PEPD: variants seen among roughly 807,000 people sequenced by gnomAD.
PEPD encodes the protein xaa-Pro dipeptidase.
Under a neutral mutation model 60.7 loss-of-function variants are expected in PEPD, and 53 were observed. That is an observed-to-expected ratio of 0.87 (90% CI 0.70 to 1.10). The LOEUF (loss-of-function observed/expected upper bound fraction) is 1.10, where lower values mean the gene tolerates loss of function less well. Among genes scored for constraint, PEPD ranks in the 50% least tolerant of loss-of-function variants. The pLI is 0.00. For missense variants in PEPD, 711 were observed against 711.9 expected (o/e 1.00, Z 0.01); for synonymous variants, 267 against 284.1 (o/e 0.94, Z 0.60).
At chr19:33,466,898 C>A (rs1285723219) in intron 7 of PEPD, among the ~76,000 whole-genome samples, 2 of 152,020 alleles carry the variant, frequency 1.3e-5, no homozygotes, top group African/African-American at 4.8e-5. Flanking sequence ...TGGCTCAAGC[C>A]TGTAATCCCA....
chr19:33,463,372 A>G (rs553076292), intron 8 of PEPD, among the ~76,000 whole-genome samples: 5 of 152,376 alleles, frequency 3.3e-5, no homozygotes, highest in African/African-American at 4.8e-5. Flanking sequence ...CACGAAAGCT[A>G]TGACGATCAC....
At chr19:33,464,143 C>A (rs1969978332) in intron 7 of PEPD, 81 bp from the exon 8 acceptor site, 2 of 949,620 alleles carry the variant, frequency 2.1e-6, no homozygotes, top group Non-Finnish European at 3.4e-6. Flanking sequence ...GAGCTCAGGG[C>A]CTACCACACC....
Position 33,409,597 on chromosome 19 carries a change from C to A in PEPD, c.818+2075G>T, listed in dbSNP as rs117411481. ...GGCTGAGGTGGGAGGATCTCTTAAG[C>A]CTAGGAGTTTGAGGCTGCAGTGAGC... is the stretch of plus-strand genomic sequence containing the variant. On this transcript the variant is annotated intron_variant, in intron 11 of 14. Transcript: ENST00000244137. Among the ~76,000 whole-genome samples the A allele has an allele frequency of 1.1e-3, 171 of 152,288 alleles. 2 individuals are homozygous for A. The East Asian group carries it at 0.032, about 28-fold the overall frequency.
intron 6 of PEPD, among the ~76,000 whole-genome samples, chr19:33,478,816 C>T (rs1970266590): frequency 6.6e-6 from 1 of 151,878 alleles, no homozygotes; most frequent in African/African-American, 2.4e-5. Context: ...GAAAGAAAAA[C>T]CAAAGGGAAT....
chr19:33,419,347 CCACT>C, intron 9 of PEPD, among the ~76,000 whole-genome samples: 1 of 152,216 alleles, frequency 6.6e-6, no homozygotes. Flanking sequence ...GCCCTGCTGC[CCACT>C]CAGTCTGAGG....
rs1970914417 is a variant in PEPD at position 33,510,942 on chromosome 19, C to G, written c.329+86G>C. The G allele has an allele frequency of 7.0e-6, 10 of 1,438,514 alleles. No homozygotes were observed. In the East Asian group the frequency reaches 2.4e-4, roughly 35 times the overall value. 89.1% of individuals were successfully genotyped at this position (1,438,514 alleles called of 1,614,324 possible). Reference sequence around the variant, plus strand: ...TCTTCCCTCCTCCCCGTCCCCAGGCCCAACCCAGCTCTCTCATCCCACCTC... The same window carrying G: ...TCTTCCCTCCTCCCCGTCCCCAGGCGCAACCCAGCTCTCTCATCCCACCTC... On this transcript the variant is annotated intron_variant, in intron 3 of 14. Transcript: ENST00000244137.
chr19:33,485,779 A>C (rs1166263604), intron 6 of PEPD, among the ~76,000 whole-genome samples: 4 of 152,222 alleles, frequency 2.6e-5, no homozygotes, highest in Admixed American at 6.5e-5. Flanking sequence ...GTAAATGCCG[A>C]AAGATAAGAA....
At chr19:33,410,453 T>C (rs1478093674) in intron 11 of PEPD, among the ~76,000 whole-genome samples, 1 of 152,186 alleles carries the variant, frequency 6.6e-6, no homozygotes, top group East Asian at 1.9e-4. Flanking sequence ...TCCATAGGTC[T>C]GGGCATGTGT....
chr19:33,488,524 C>A (rs1047710177), intron 6 of PEPD, among the ~76,000 whole-genome samples: 2 of 152,092 alleles, frequency 1.3e-5, no homozygotes, highest in Non-Finnish European at 2.9e-5. Context: ...TGCCCGTAGC[C>A]CCTCTGAGGG....
chr19:33,462,848 A>T, intron 9 of PEPD, 147 bp downstream of exon 9: 1 of 745,952 alleles, frequency 1.3e-6, no homozygotes, highest in South Asian at 1.4e-5. Context: ...GAAGAAAAAT[A>T]ATCTTTGCTT....
chr19:33,461,728 C>T lies in PEPD; in HGVS notation c.671+1267G>A, dbSNP rs183927547. ...CAACACACTTCCCATCCCAGATCCT[C>T]GGAGCGGGCAGGGGGTCCTGGGAAT... On this transcript the variant is annotated intron_variant, in intron 9 of 14. Transcript: ENST00000244137. Among the ~76,000 whole-genome samples the T allele has an allele frequency of 3.9e-5, 6 of 152,328 alleles. No individual in the cohort carries two copies. The East Asian group carries it at 9.7e-4, about 25-fold the overall frequency.
At chr19:33,406,394 C>T (rs972328810) in intron 11 of PEPD, among the ~76,000 whole-genome samples, 5 of 152,196 alleles carry the variant, frequency 3.3e-5, no homozygotes, top group South Asian at 2.1e-4. Context: ...ATGGAGAGCA[C>T]GCTCCTAACT....
At chr19:33,458,652 T>C (rs1425285012) in intron 9 of PEPD, among the ~76,000 whole-genome samples, 2 of 144,250 alleles carry the variant, frequency 1.4e-5, no homozygotes, top group Admixed American at 6.9e-5. Context: ...TTGTGTGTGG[T>C]ATGTGGCATG....
rs1969871601 is a variant in PEPD at position 33,458,800 on chromosome 19, A to ATGCGGTGTGGAG, written c.671+4194_671+4195insCTCCACACCGCA. Reference sequence around the variant, plus strand: ...GGGGTGTGTGAGGTGTGTGTGGTATAGGGCATGTGTGTGGTGTATGTGGAG... The same window carrying ATGCGGTGTGGAG: ...GGGGTGTGTGAGGTGTGTGTGGTATATGCGGTGTGGAGGGGCATGTGTGTGGTGTATGTGGAG... On this transcript the variant is annotated intron_variant, in intron 9 of 14. Coordinates refer to ENST00000244137, the MANE Select transcript of PEPD (RefSeq NM_000285.4). Among the ~76,000 whole-genome samples, 51 of 42,350 alleles carry ATGCGGTGTGGAG rather than the reference A, an allele frequency of 1.2e-3. 2 individuals are homozygous for ATGCGGTGTGGAG. Among genetic ancestry groups the ATGCGGTGTGGAG allele is most frequent in the East Asian group, 4.3e-3 (6 of 1,388 alleles). 27.8% of individuals were successfully genotyped at this position (42,350 alleles called of 152,430 possible). A position where few individuals can be genotyped will look rare whatever the true frequency, so the allele number is the denominator to read the frequency against.
intron 12 of PEPD, among the ~76,000 whole-genome samples, chr19:33,393,130 G>A (rs2145330737): frequency 6.6e-6 from 1 of 152,202 alleles, no homozygotes; most frequent in South Asian, 2.1e-4. Flanking sequence ...CATCAGCCCA[G>A]CCTCCTAGGG....
chr19:33,412,871 A>G (rs1486775076), intron 10 of PEPD, among the ~76,000 whole-genome samples: 1 of 152,204 alleles, frequency 6.6e-6, no homozygotes, highest in Non-Finnish European at 1.5e-5. Context: ...GGCCACGCCC[A>G]CAGCCAGGAC....
intron 9 of PEPD, among the ~76,000 whole-genome samples, chr19:33,439,188 G>A (rs897400815): frequency 3.9e-5 from 6 of 152,224 alleles, no homozygotes; most frequent in African/African-American, 1.4e-4. Flanking sequence ...AAAGTGCGAC[G>A]TGGACAGGGC....
intron 12 of PEPD, among the ~76,000 whole-genome samples, chr19:33,391,807 T>C (rs1402453953): frequency 1.3e-5 from 2 of 152,174 alleles, no homozygotes; most frequent in Non-Finnish European, 2.9e-5. Context: ...GAACAGCCTA[T>C]GCTTCTGGGC....
At chr19:33,425,072 A>G (rs1318589312) in intron 9 of PEPD, among the ~76,000 whole-genome samples, 1 of 152,136 alleles carries the variant, frequency 6.6e-6, no homozygotes, top group Non-Finnish European at 1.5e-5. Flanking sequence ...ACCAGGAAAC[A>G]AAAAGAATTG....
Sources: allele counts gnomAD v4.1 joint callset (sites outside exome capture counted in the v4.1 genomes callset), GRCh38; gene constraint gnomAD v4.1.1; transcripts MANE v1.5; gene names NCBI Gene and HGNC (gene_info 2026-07-23, HGNC 2026-07-21).